ABAT: variants seen among roughly 807,000 people sequenced by gnomAD.
ABAT encodes the protein 4-aminobutyrate aminotransferase.
Under a neutral mutation model 64.6 loss-of-function variants are expected in ABAT, and 45 were observed. The ratio of observed to expected loss-of-function variants is 0.70; its 90% CI spans 0.55 to 0.89. The LOEUF is 0.89. Ranked by LOEUF, ABAT falls within the 40% of genes least tolerant of loss-of-function variation. The pLI, the probability that ABAT is intolerant of heterozygous loss-of-function variation, is 0.00. For synonymous variants in ABAT, 297 were observed against 250.5 expected (o/e 1.19, Z -1.75); for missense variants, 633 against 658.4 (o/e 0.96, Z 0.42).
chr16:8,678,391 T>G (rs1386346006), intron 1 of ABAT, among the ~76,000 whole-genome samples: 2 of 152,186 alleles, frequency 1.3e-5, no homozygotes, highest in Non-Finnish European at 2.9e-5. Flanking sequence ...GCACCCAACC[T>G]ACACAGGACC....
chr16:8,681,966 C>T (rs1311330718), intron 1 of ABAT, among the ~76,000 whole-genome samples: 2 of 151,990 alleles, frequency 1.3e-5, no homozygotes, highest in Non-Finnish European at 2.9e-5. Context: ...GACGTGGAAG[C>T]GAGGCTGTCC....
chr16:8,721,822 G>A (rs2058380283), intron 1 of ABAT, among the ~76,000 whole-genome samples: 1 of 152,126 alleles, frequency 6.6e-6, no homozygotes, highest in South Asian at 2.1e-4. Flanking sequence ...CCAGACACAC[G>A]AAGGAAGCAG....
At chr16:8,718,961 T>C (rs547234785) in intron 1 of ABAT, among the ~76,000 whole-genome samples, 15 of 152,320 alleles carry the variant, frequency 9.8e-5, no homozygotes, top group African/African-American at 3.4e-4. Context: ...GAAGGAAATA[T>C]AAATGTTTCA....
At chr16:8,686,968 C>G (rs923096549) in intron 1 of ABAT, among the ~76,000 whole-genome samples, 1 of 152,260 alleles carries the variant, frequency 6.6e-6, no homozygotes, top group African/African-American at 2.4e-5. Context: ...TGTTTGTACT[C>G]AGGGGCTTTG....
intron 9 of ABAT, among the ~76,000 whole-genome samples, chr16:8,767,572 G>C (rs954104550): frequency 2.0e-5 from 3 of 152,224 alleles, no homozygotes; most frequent in African/African-American, 7.2e-5. Flanking sequence ...AGTGGGTACT[G>C]CTTGGCCACT....
chr16:8,732,529 G>C (rs2058759330), intron 1 of ABAT, among the ~76,000 whole-genome samples: 1 of 151,530 alleles, frequency 6.6e-6, no homozygotes, highest in Admixed American at 6.6e-5. Flanking sequence ...AGAGAGCACG[G>C]GGTTGGGGGT....
intron 12 of ABAT, among the ~76,000 whole-genome samples, chr16:8,773,626 A>G (rs2142995126): frequency 6.6e-6 from 1 of 152,284 alleles, no homozygotes; most frequent in Middle Eastern, 3.4e-3. Context: ...AAATCACCCT[A>G]TTGTGCTACT....
chr16:8,697,322 T>C (rs1446420650), intron 1 of ABAT, among the ~76,000 whole-genome samples: 1 of 152,182 alleles, frequency 6.6e-6, no homozygotes, highest in Non-Finnish European at 1.5e-5. Context: ...GGTAGGTTTT[T>C]AACTAGGGAG....
At chr16:8,696,244 C>T (rs1431862679) in intron 1 of ABAT, among the ~76,000 whole-genome samples, 1 of 152,108 alleles carries the variant, frequency 6.6e-6, no homozygotes, top group Non-Finnish European at 1.5e-5. Context: ...GCACTGGGAA[C>T]CCAGGAGGAT....
At chr16:8,675,047 C>T (rs776583826) in intron 1 of ABAT, among the ~76,000 whole-genome samples, 1 of 152,164 alleles carries the variant, frequency 6.6e-6, no homozygotes, top group Non-Finnish European at 1.5e-5. Context: ...ACTGATGCCC[C>T]TTCCCCATCC....
intron 1 of ABAT, among the ~76,000 whole-genome samples, chr16:8,731,018 G>A (rs1378715483): frequency 6.6e-6 from 1 of 152,150 alleles, no homozygotes; most frequent in Non-Finnish European, 1.5e-5. Flanking sequence ...ACTGGAGTGC[G>A]GTGGTGTGAT....
At chr16:8,724,427 T>C (rs1039535726) in intron 1 of ABAT, among the ~76,000 whole-genome samples, 2 of 152,184 alleles carry the variant, frequency 1.3e-5, no homozygotes, top group Non-Finnish European at 2.9e-5. Flanking sequence ...ATTTCAATAC[T>C]GCACAGAAAA....
At chr16:8,757,928 C>T in intron 6 of ABAT, 122 bp downstream of exon 6, 3 of 1,145,380 alleles carry the variant, frequency 2.6e-6, no homozygotes, top group Admixed American at 3.9e-5. Context: ...ATGTATTGAG[C>T]CCATACTATG....
At chr16:8,682,030 A>G (rs1289189739) in intron 1 of ABAT, among the ~76,000 whole-genome samples, 1 of 152,154 alleles carries the variant, frequency 6.6e-6, no homozygotes, top group Non-Finnish European at 1.5e-5. Flanking sequence ...CGCTGGCAAC[A>G]TACCTTCCTC....
At chr16:8,723,816 T>TATAC (rs1434264874) in intron 1 of ABAT, among the ~76,000 whole-genome samples, 3 of 51,002 alleles carry the variant, frequency 5.9e-5, no homozygotes, top group African/African-American at 2.0e-4. Flanking sequence ...TTTTTATATA[T>TATAC]ATATATATAT....
At chr16:8,737,989 G>GAAGAAAGA (rs397934923) in intron 2 of ABAT, among the ~76,000 whole-genome samples, 6 of 16,946 alleles carry the variant, frequency 3.5e-4, no homozygotes, top group Admixed American at 9.0e-4. Context: ...AGGAAGGAAG[G>GAAGAAAGA]AGGAAAGAAA....
intron 1 of ABAT, among the ~76,000 whole-genome samples, chr16:8,710,485 C>A (rs2058042091): frequency 6.6e-6 from 1 of 152,048 alleles, no homozygotes; most frequent in Non-Finnish European, 1.5e-5. Flanking sequence ...CACCTTTAAT[C>A]TCAGCACTTT....
At chr16:8,770,969 G>A (rs753992532) in intron 11 of ABAT, among the ~76,000 whole-genome samples, 3 of 152,004 alleles carry the variant, frequency 2.0e-5, no homozygotes, top group Non-Finnish European at 4.4e-5. Flanking sequence ...TTGAAACACT[G>A]TGTGTATTTT....
intron 4 of ABAT, among the ~76,000 whole-genome samples, chr16:8,749,782 T>G (rs2059428096): frequency 6.6e-6 from 1 of 151,998 alleles, no homozygotes; most frequent in Non-Finnish European, 1.5e-5. Flanking sequence ...TGGCACAATC[T>G]AAGTTCACTG....
Sources: allele counts gnomAD v4.1 joint callset (sites outside exome capture counted in the v4.1 genomes callset), GRCh38; gene constraint gnomAD v4.1.1; transcripts MANE v1.5; gene names NCBI Gene and HGNC (gene_info 2026-07-23, HGNC 2026-07-21).